The following C10orf71 variants were observed in gnomAD, a reference collection of about 807,000 sequenced individuals.
The protein encoded by C10orf71 is chromosome 10 open reading frame 71, also known as cardiac-enriched FHL2-interacting protein.
For synonymous variants in C10orf71, 758 were observed against 726.3 expected (o/e 1.04, Z -0.70); for missense variants, 1,869 against 1,804.5 (o/e 1.04, Z -0.65).
At chr10:49,318,326 G>T (rs1036944111) in intron 2 of C10orf71, among the ~76,000 whole-genome samples, 3 of 152,250 alleles carry the variant, frequency 2.0e-5, no homozygotes, top group Admixed American at 6.5e-5. Context: ...ACTGGGGAAG[G>T]CGTGGGCTTA....
rs1361473985 is a variant in C10orf71, at chr10:49,324,386, A to G, written c.1841A>G (p.Tyr614Cys). ...GGGGAGGCTGCTGAGAGAAGCAGTT[A>G]TGAGAACAAGGAGGTGGAAGGAGAG... ...VNGEAAERSS[Y>C]ENKEVEGELE... Residue 614 changes from tyrosine (Y) to cysteine (C), a missense_variant, in exon 3 of 3, where the codon TAT (tyrosine) becomes TGT (cysteine). Tyr to Cys is a radical substitution (Grantham distance 194). Coordinates refer to ENST00000374144, the MANE Select transcript of C10orf71 (RefSeq NM_001135196.2). 1.9e-6 allele frequency: 3 copies of G among 1,613,394 alleles called. No homozygotes were observed. The highest frequency in any genetic ancestry group is 3.3e-5 in the Admixed American group (2 of 59,932).
Position 49,327,041 on chromosome 10 carries a change from A to C in C10orf71, c.*188A>C. Reference sequence around the variant, plus strand: ...GGGATCCCAAGACGACCTCACCCAAAGGGCTCCCTGGCTCTCCTCTGATGG... The same window carrying C: ...GGGATCCCAAGACGACCTCACCCAACGGGCTCCCTGGCTCTCCTCTGATGG... On this transcript the variant is annotated 3_prime_UTR_variant, in exon 3 of 3. Coordinates refer to ENST00000374144, the MANE Select transcript of C10orf71 (RefSeq NM_001135196.2). 1.3e-6 allele frequency: 2 copies of C among 1,541,432 alleles called. No individual in the cohort carries two copies. Among genetic ancestry groups the C allele is most frequent in the Admixed American group, 1.8e-5 (1 of 55,536 alleles).
At chr10:49,319,674 C>A (rs1362465680) in intron 2 of C10orf71, among the ~76,000 whole-genome samples, 1 of 89,750 alleles carries the variant, frequency 1.1e-5, no homozygotes, top group Non-Finnish European at 2.5e-5. Context: ...TATGTACACA[C>A]ACACAAGCTA....
intron 2 of C10orf71, among the ~76,000 whole-genome samples, chr10:49,318,034 G>C (rs896367614): frequency 6.6e-6 from 1 of 152,128 alleles, no homozygotes; most frequent in Non-Finnish European, 1.5e-5. Flanking sequence ...CCTCGATTTT[G>C]GACTTCTAGC....
chr10:49,315,093 G>A (rs990251839), intron 1 of C10orf71, among the ~76,000 whole-genome samples: 2 of 152,194 alleles, frequency 1.3e-5, no homozygotes, highest in Non-Finnish European at 2.9e-5. Flanking sequence ...GGAACACGAA[G>A]GAGGCCCATC....
rs751668217 is a variant in C10orf71 at position 49,325,720 on chromosome 10, C to G, written c.3175C>G (p.Pro1059Ala). 6.4e-7 allele frequency: 1 copy of G among 1,551,606 alleles called. No individual in the cohort carries two copies. The highest frequency in any genetic ancestry group is 8.7e-7 in the Non-Finnish European group (1 of 1,146,930). ...CAGTGAGAGGGCGAATTCCCCCAAC[C>G]CCGGCTCCCCCGGGGAGAGCAGTGC... ...VPSERANSPNPGSPGESSACS... is the reference protein window; with the variant it reads ...VPSERANSPNAGSPGESSACS... Residue 1059 changes from proline (P) to alanine (A), a missense_variant, in exon 3 of 3, where the codon CCC becomes GCC. Coordinates refer to ENST00000374144, the MANE Select transcript of C10orf71 (RefSeq NM_001135196.2).
intron 1 of C10orf71, among the ~76,000 whole-genome samples, chr10:49,299,698 G>A (rs776698176): frequency 2.0e-4 from 31 of 152,228 alleles, no homozygotes; most frequent in Non-Finnish European, 4.4e-4. Context: ...GTCCTTAGGT[G>A]TCATCTGTCA....
At chr10:49,302,535 C>T (rs945125401) in intron 1 of C10orf71, among the ~76,000 whole-genome samples, 5 of 152,238 alleles carry the variant, frequency 3.3e-5, no homozygotes, top group African/African-American at 4.8e-5. Flanking sequence ...CCATCCAGCA[C>T]GGTAGGTCTT....
chr10:49,321,219 C>A (rs190176392), intron 2 of C10orf71, among the ~76,000 whole-genome samples: 16 of 152,194 alleles, frequency 1.1e-4, no homozygotes, highest in African/African-American at 3.9e-4. Context: ...ATAACTCCCC[C>A]CTTCCCTGCT....
intron 1 of C10orf71, among the ~76,000 whole-genome samples, chr10:49,307,569 C>T (rs778431720): frequency 2.0e-5 from 3 of 152,226 alleles, no homozygotes; most frequent in South Asian, 2.1e-4. Flanking sequence ...TTAAGCAGTG[C>T]GAGCTCCGGA....
At position 49,323,536 on chromosome 10, in the gene C10orf71, T is replaced by C. The variant is rs1443133078; in HGVS notation, c.991T>C (p.Cys331Arg). 8.1e-6 allele frequency: 13 copies of C among 1,610,212 alleles called. No individual in the cohort carries two copies. The highest frequency in any genetic ancestry group is 1.3e-5 in the African/African-American group (1 of 74,780). Residue 331 changes from cysteine to arginine, a missense_variant, in exon 3 of 3, where the codon TGC becomes CGC. Physicochemically the swap from Cys to Arg is radical, Grantham distance 180 (BLOSUM62 -3). Coordinates refer to ENST00000374144, the MANE Select transcript of C10orf71 (RefSeq NM_001135196.2). ...TVSPCQVQAS[C>R]SQEENRLAAG... Reference sequence around the variant, plus strand: ...CTCTCCCTGCCAGGTCCAGGCCAGCTGCAGTCAGGAAGAGAACAGACTTGC... The same window carrying C: ...CTCTCCCTGCCAGGTCCAGGCCAGCCGCAGTCAGGAAGAGAACAGACTTGC...
At chr10:49,300,661 C>T (rs572666289) in intron 1 of C10orf71, among the ~76,000 whole-genome samples, 1 of 152,150 alleles carries the variant, frequency 6.6e-6, no homozygotes, top group Non-Finnish European at 1.5e-5. Flanking sequence ...AATCACCAGA[C>T]ACACAGCGTG....
At position 49,325,252 on chromosome 10, in the gene C10orf71, C is replaced by A; in HGVS notation, c.2707C>A (p.Pro903Thr). 6.4e-7 allele frequency: 1 copy of A among 1,551,810 alleles called. No homozygotes were observed. Among genetic ancestry groups the A allele is most frequent in the Non-Finnish European group, 8.7e-7 (1 of 1,147,026 alleles). The change falls in exon 3 of 3, where the codon CCT (proline) becomes ACT (threonine). Residue 903 changes from proline (P) to threonine (T), a missense_variant. Coordinates refer to ENST00000374144, the MANE Select transcript of C10orf71 (RefSeq NM_001135196.2). Reference sequence around the variant, plus strand: ...GCCAAGGCCAGAATGGGGTGAGGATCCTGGGTTTTGTGCCCCCGAAAACCA... The same window carrying A: ...GCCAAGGCCAGAATGGGGTGAGGATACTGGGTTTTGTGCCCCCGAAAACCA... ...ELPRPEWGED[P>T]GFCAPENQDI...
chr10:49,307,406 G>A (rs934026467), intron 1 of C10orf71, among the ~76,000 whole-genome samples: 11 of 152,228 alleles, frequency 7.2e-5, no homozygotes, highest in African/African-American at 2.4e-4. Context: ...GTCCAGAGAC[G>A]GTGTCTGGCT....
chr10:49,301,967 C>G (rs1244845163), intron 1 of C10orf71, among the ~76,000 whole-genome samples: 5 of 152,172 alleles, frequency 3.3e-5, no homozygotes. Flanking sequence ...TCCCTTGCCT[C>G]AGTTAGTCCC....
Position 49,322,337 on chromosome 10 carries a change from A to C in C10orf71, c.-144-65A>C, listed in dbSNP as rs558334958. 7.7e-5 allele frequency: 42 copies of C among 542,710 alleles called. 1 individual carries two copies. In the East Asian group the frequency reaches 1.4e-3, roughly 18 times the overall value. 33.6% of individuals were successfully genotyped at this position (542,710 alleles called of 1,614,324 possible). ...CTCACAGGCACCATTTTCCACCTGA[A>C]CCAGCACATATTCTTGTGTAGAGCT... On this transcript the variant is annotated intron_variant, in intron 2 of 2. Coordinates refer to ENST00000374144, the MANE Select transcript of C10orf71 (RefSeq NM_001135196.2).
intron 1 of C10orf71, among the ~76,000 whole-genome samples, chr10:49,299,945 C>T (rs539572321): frequency 6.6e-5 from 10 of 152,200 alleles, no homozygotes; most frequent in Admixed American, 1.3e-4. Context: ...AAACAAAGCC[C>T]GCCACAGGCT....
chr10:49,314,409 C>A (rs1243537374), intron 1 of C10orf71, among the ~76,000 whole-genome samples: 1 of 152,200 alleles, frequency 6.6e-6, no homozygotes, highest in Non-Finnish European at 1.5e-5. Context: ...GGGAACACAC[C>A]TTTTCACTGG....
At chr10:49,300,461 C>CAAAAAA (rs60669434) in intron 1 of C10orf71, among the ~76,000 whole-genome samples, 2 of 108,576 alleles carry the variant, frequency 1.8e-5, no homozygotes, top group Non-Finnish European at 4.0e-5. Context: ...CAATTTAATA[C>CAAAAAA]AAAAAAAAAA....
Sources: gnomAD v4.1 joint callset for allele counts (sites outside exome capture counted in the v4.1 genomes callset) on GRCh38, gnomAD v4.1.1 for gene constraint, MANE v1.5 for transcripts, NCBI Gene and HGNC (gene_info 2026-07-23, HGNC 2026-07-21) for gene names.